Variants in PLCG2 observed in about 807,000 individuals in gnomAD.
The protein encoded by PLCG2 is phospholipase C gamma 2, also known as 1-phosphatidylinositol 4,5-bisphosphate phosphodiesterase gamma-2.
In PLCG2, 69 loss-of-function variants were observed where a neutral mutation model predicts 175.6. That is an observed-to-expected ratio of 0.39 (90% CI 0.32 to 0.48). PLCG2 has a LOEUF of 0.48. Ranked by LOEUF, PLCG2 falls within the 20% of genes least tolerant of loss-of-function variation. The pLI is 0.91. For missense variants in PLCG2, 1,798 were observed against 1,650.9 expected, an observed-to-expected ratio of 1.09 and a Z score of -1.54; for synonymous variants, 827 against 624.0, an observed-to-expected ratio of 1.33 and a Z score of -4.85.
At chr16:81,912,171 G>A (rs1567529451) in intron 18 of PLCG2, among the ~76,000 whole-genome samples, 1 of 152,072 alleles carries the variant, frequency 6.6e-6, no homozygotes, top group African/African-American at 2.4e-5. Context: ...GGCTTCTCGC[G>A]ATCCACCTGC....
At chr16:81,771,006 C>G (rs537336872) in intron 2 of PLCG2, among the ~76,000 whole-genome samples, 1 of 149,600 alleles carries the variant, frequency 6.7e-6, no homozygotes, top group East Asian at 2.0e-4. Context: ...TGCCGTGAGC[C>G]GAGATTATGC....
rs1487567974 is a variant in PLCG2 at position 81,923,514 on chromosome 16, C to T, written c.2337C>T (p.Asp779=). ...MPQRTVKALY[D]YKAKRSDELS... is the part of the protein sequence containing the mutation. ...AGAGAACCGTGAAAGCTCTGTATGA[C>T]TACAAAGCCAAGCGAAGCGATGAGC... The change falls in exon 22 of 33, where the codon GAC becomes GAT. Residue 779 remains aspartate, a synonymous_variant. Coordinates refer to ENST00000564138, the MANE Select transcript of PLCG2 (RefSeq NM_002661.5). 1 of 1,613,140 alleles carries T rather than the reference C, an allele frequency of 6.2e-7. No individual in the cohort carries two copies.
intron 2 of PLCG2, among the ~76,000 whole-genome samples, chr16:81,824,393 C>G (rs1423987164): frequency 6.6e-6 from 1 of 152,192 alleles, no homozygotes; most frequent in Non-Finnish European, 1.5e-5. Flanking sequence ...CTCAACCTCC[C>G]AAAGTGCTGG....
At chr16:81,879,867 GCA>G (rs1907993046) in intron 7 of PLCG2, among the ~76,000 whole-genome samples, 2 of 152,208 alleles carry the variant, frequency 1.3e-5, no homozygotes, top group Non-Finnish European at 2.9e-5. Context: ...GCAACAGTTG[GCA>G]CGGCAGTGGG....
At chr16:81,802,634 C>T (rs1014629112) in intron 2 of PLCG2, among the ~76,000 whole-genome samples, 1 of 151,256 alleles carries the variant, frequency 6.6e-6, no homozygotes, top group Admixed American at 6.6e-5. Context: ...TGCAGTGGCG[C>T]AATCTCAGCT....
rs1040410671 is a variant in PLCG2, at chr16:81,961,329, T to A, written c.*3331T>A. ...AATCTTAAGATGTTATCAATCTACA[T>A]AGATGAAATAATTGTGGAGAAAAGC... On this transcript the variant is annotated 3_prime_UTR_variant, in exon 33 of 33. Coordinates refer to ENST00000564138, the MANE Select transcript of PLCG2 (RefSeq NM_002661.5). The A allele has an allele frequency of 1.8e-5, 4 of 225,106 alleles. No homozygotes were observed. The highest frequency in any genetic ancestry group is 3.5e-5 in the Non-Finnish European group (4 of 113,150). 13.9% of individuals were successfully genotyped at this position (225,106 alleles called of 1,614,324 possible).
chr16:81,802,093 CTTTTTTTTTTTTTTTTTTTTTTTTTT>C (rs1157731599), intron 2 of PLCG2, among the ~76,000 whole-genome samples: 8 of 40,016 alleles, frequency 2.0e-4, no homozygotes, highest in Non-Finnish European at 3.1e-4. Context: ...TGAGTACAGT[CTTTTTTTTTTTTTTTTTTTTTTTTTT>C]TTTTTTTTTT....
chr16:81,822,667 G>A (rs777470417), intron 2 of PLCG2, among the ~76,000 whole-genome samples: 2 of 141,396 alleles, frequency 1.4e-5, no homozygotes, highest in Non-Finnish European at 3.0e-5. Flanking sequence ...TGAGGCAGGA[G>A]AATCGCTTGA....
At chr16:81,923,799 G>C (rs72824919) in intron 22 of PLCG2, among the ~76,000 whole-genome samples, 1 of 152,138 alleles carries the variant, frequency 6.6e-6, no homozygotes, top group African/African-American at 2.4e-5. Context: ...AACAGGTATC[G>C]ACATATCATA....
At chr16:81,873,320 C>A (rs1356889346) in intron 7 of PLCG2, among the ~76,000 whole-genome samples, 1 of 152,176 alleles carries the variant, frequency 6.6e-6, no homozygotes, top group East Asian at 1.9e-4. Context: ...GTAACAACCA[C>A]AACAAAAACC....
intron 14 of PLCG2, among the ~76,000 whole-genome samples, chr16:81,901,888 G>C (rs574666277): frequency 6.6e-6 from 1 of 152,222 alleles, no homozygotes; most frequent in Non-Finnish European, 1.5e-5. Flanking sequence ...ATATAATTGA[G>C]TTTCCTTTGT....
intron 23 of PLCG2, among the ~76,000 whole-genome samples, 161 bp downstream of exon 23, chr16:81,927,339 A>C (rs1910317781): frequency 1.3e-5 from 2 of 151,956 alleles, no homozygotes; most frequent in Admixed American, 6.6e-5. Flanking sequence ...GGAAATTGAG[A>C]TTGAGTTGTT....
At chr16:81,788,373 C>T (rs751482371) in intron 2 of PLCG2, among the ~76,000 whole-genome samples, 14 of 152,128 alleles carry the variant, frequency 9.2e-5, no homozygotes, top group African/African-American at 1.4e-4. Context: ...CTCCGCCTCC[C>T]GGATTCATGC....
intron 13 of PLCG2, among the ~76,000 whole-genome samples, chr16:81,898,854 ATGGT>A (rs1426512955): frequency 6.6e-6 from 1 of 152,176 alleles, no homozygotes; most frequent in Non-Finnish European, 1.5e-5. Context: ...CTTATTTCAG[ATGGT>A]TCAGGAGGAA....
At chr16:81,879,508 A>T (rs1166148953) in intron 7 of PLCG2, among the ~76,000 whole-genome samples, 1 of 152,002 alleles carries the variant, frequency 6.6e-6, no homozygotes, top group Non-Finnish European at 1.5e-5. Context: ...ACTGATGTGG[A>T]CTCTCTGATG....
At chr16:81,921,310 C>T (rs765994557) in intron 21 of PLCG2, 41 bp downstream of exon 21, 66 of 1,300,338 alleles carry the variant, frequency 5.1e-5, no homozygotes, top group Non-Finnish European at 6.9e-5. Context: ...TTTGGAGTCA[C>T]GAGGCTGATG....
At chr16:81,809,065 T>C (rs189572478) in intron 2 of PLCG2, among the ~76,000 whole-genome samples, 8 of 152,272 alleles carry the variant, frequency 5.3e-5, no homozygotes, top group Admixed American at 2.0e-4. Context: ...GAGTAGCTCA[T>C]GAGAGAGTGG....
intron 2 of PLCG2, among the ~76,000 whole-genome samples, chr16:81,760,176 T>A (rs569047857): frequency 8.5e-5 from 13 of 152,320 alleles, no homozygotes; most frequent in African/African-American, 2.9e-4. Flanking sequence ...TTAGGTGGCT[T>A]GGAGAGTCTC....
At chr16:81,790,187 G>T (rs930383277) in intron 2 of PLCG2, among the ~76,000 whole-genome samples, 16 of 152,190 alleles carry the variant, frequency 1.1e-4, no homozygotes, top group Admixed American at 8.5e-4. Context: ...GCACTCAGTT[G>T]TTGGGAACCA....
Sources: gnomAD v4.1 joint callset for allele counts (sites outside exome capture counted in the v4.1 genomes callset) on GRCh38, gnomAD v4.1.1 for gene constraint, MANE v1.5 for transcripts, NCBI Gene and HGNC (gene_info 2026-07-23, HGNC 2026-07-21) for gene names.